Variants in RARB observed in about 807,000 individuals in gnomAD.
RARB encodes retinoic acid receptor beta.
A neutral mutation model predicts 51.9 loss-of-function variants in RARB; 17 were observed. The observed-to-expected ratio is 0.33, with a 90% CI of 0.22 to 0.49. RARB has a LOEUF of 0.49. Ranked by LOEUF, RARB falls within the 20% of genes least tolerant of loss-of-function variation. The pLI, the probability that RARB is intolerant of heterozygous loss-of-function variation, is 0.99. For missense variants in RARB, 369 were observed against 550.8 expected (o/e 0.67, Z 3.30); for synonymous variants, 215 against 195.4 (o/e 1.10, Z -0.84).
chr3:25,315,487 C>T (rs1397770576), intron 5 of RARB, among the ~76,000 whole-genome samples: 1 of 152,148 alleles, frequency 6.6e-6, no homozygotes, highest in Non-Finnish European at 1.5e-5. Flanking sequence ...TCCTAACTTC[C>T]CTCTCAATCC....
chr3:24,976,167 T>G (rs1575100652), intron 2 of RARB, among the ~76,000 whole-genome samples: 2 of 152,118 alleles, frequency 1.3e-5, no homozygotes, highest in African/African-American at 4.8e-5. Context: ...TCTAGTCTAT[T>G]ATTGATGGAC....
At chr3:25,056,332 C>A (rs1197768066) in intron 2 of RARB, among the ~76,000 whole-genome samples, 2 of 152,072 alleles carry the variant, frequency 1.3e-5, no homozygotes, top group Non-Finnish European at 2.9e-5. Context: ...CACAGAGATT[C>A]CCATCTAAAA....
chr3:25,488,468 A>AG (rs1400250418), intron 2 of RARB, among the ~76,000 whole-genome samples: 3 of 152,314 alleles, frequency 2.0e-5, no homozygotes, highest in African/African-American at 4.8e-5. Flanking sequence ...GAAAATGAGA[A>AG]GGGTAAATGA....
At chr3:25,504,607 A>G (rs1396088043) in intron 3 of RARB, among the ~76,000 whole-genome samples, 1 of 152,088 alleles carries the variant, frequency 6.6e-6, no homozygotes, top group African/African-American at 2.4e-5. Context: ...AAATGACCTC[A>G]TGTCCACCAT....
At chr3:25,025,614 G>A (rs1216842219) in intron 2 of RARB, among the ~76,000 whole-genome samples, 1 of 152,146 alleles carries the variant, frequency 6.6e-6, no homozygotes, top group Non-Finnish European at 1.5e-5. Context: ...GAACAAAGTG[G>A]CCTACCTAGG....
Position 24,862,560 on chromosome 3 carries a change from C to A in RARB, c.-380+3808C>A, listed in dbSNP as rs534294689. On this transcript the variant is annotated intron_variant, in intron 2 of 11. Transcript: ENST00000383772. ...CTCTGGCTCTCCTGCTTTGTCCCAC[C>A]TGGGATGTGAATCTTCCTCTGTCTA... Among the ~76,000 whole-genome samples the A allele has an allele frequency of 3.9e-5, 6 of 152,314 alleles. No homozygotes were observed. The South Asian group carries it at 1.2e-3, about 32-fold the overall frequency.
At chr3:24,837,259 A>G (rs1702356995) in intron 1 of RARB, among the ~76,000 whole-genome samples, 1 of 152,238 alleles carries the variant, frequency 6.6e-6, no homozygotes, top group Non-Finnish European at 1.5e-5. Context: ...GAGATCACAG[A>G]GGTGAGTAAA....
intron 2 of RARB, among the ~76,000 whole-genome samples, chr3:25,001,312 A>G (rs1335908263): frequency 6.6e-5 from 10 of 152,202 alleles, no homozygotes; most frequent in Non-Finnish European, 8.8e-5. Context: ...GAACATTTCA[A>G]CAGTGGCTCT....
chr3:24,968,878 T>G (rs1696333956), intron 2 of RARB, among the ~76,000 whole-genome samples: 1 of 152,186 alleles, frequency 6.6e-6, no homozygotes, highest in African/African-American at 2.4e-5. Context: ...GTCATTACTC[T>G]GTCTACCACA....
At chr3:24,935,642 G>A (rs1396187380) in intron 2 of RARB, among the ~76,000 whole-genome samples, 3 of 152,160 alleles carry the variant, frequency 2.0e-5, no homozygotes, top group Non-Finnish European at 4.4e-5. Flanking sequence ...GGACGTAGAA[G>A]GCACTGCCAT....
chr3:24,941,572 G>A (rs780333856), intron 2 of RARB, among the ~76,000 whole-genome samples: 24 of 152,046 alleles, frequency 1.6e-4, no homozygotes, highest in South Asian at 8.3e-4. Context: ...GTTTCCCCAC[G>A]TTGGCCAGGT....
At chr3:24,889,090 C>T (rs1374985705) in intron 2 of RARB, among the ~76,000 whole-genome samples, 2 of 152,080 alleles carry the variant, frequency 1.3e-5, no homozygotes, top group South Asian at 2.1e-4. Context: ...ATGCACTGTC[C>T]CCTGTGAGGA....
intron 4 of RARB, among the ~76,000 whole-genome samples, chr3:25,169,735 C>T (rs1158215340): frequency 6.6e-6 from 1 of 152,028 alleles, no homozygotes; most frequent in Non-Finnish European, 1.5e-5. Flanking sequence ...TGCCTGTAAT[C>T]CCAGCACTTT....
At chr3:25,449,464 GTGTC>G (rs1418859662) in intron 1 of RARB, among the ~76,000 whole-genome samples, 2 of 152,026 alleles carry the variant, frequency 1.3e-5, no homozygotes, top group African/African-American at 2.4e-5. Flanking sequence ...GGTTAACTGT[GTGTC>G]TGTCTGTCTG....
At position 24,997,068 on chromosome 3, in the gene RARB, G is replaced by A. The variant is rs572644569; in HGVS notation, c.-379-63057G>A. Reference sequence around the variant, plus strand: ...TGAGAGTGGGATATTGAGTTCTCCAGCTATTATTGTATTGAGGTCTATCTC... The same window carrying A: ...TGAGAGTGGGATATTGAGTTCTCCAACTATTATTGTATTGAGGTCTATCTC... On this transcript the variant is annotated intron_variant, in intron 2 of 11. Coordinates refer to the RARB transcript ENST00000383772. Among the ~76,000 whole-genome samples the A allele has an allele frequency of 5.1e-3, 772 of 152,068 alleles. 7 individuals are homozygous for A. Among genetic ancestry groups the A allele is most frequent in the African/African-American group, 0.017 (717 of 41,498 alleles).
chr3:24,854,917 G>C (rs1702612653), intron 1 of RARB, among the ~76,000 whole-genome samples: 1 of 152,174 alleles, frequency 6.6e-6, no homozygotes, highest in African/African-American at 2.4e-5. Flanking sequence ...TCAAATCTCT[G>C]GGGCTGGAAA....
intron 5 of RARB, among the ~76,000 whole-genome samples, chr3:25,358,023 A>G (rs1705805169): frequency 6.6e-6 from 1 of 152,188 alleles, no homozygotes; most frequent in Non-Finnish European, 1.5e-5. Flanking sequence ...AATTTAAAGT[A>G]GTTTTTTCTA....
intron 3 of RARB, among the ~76,000 whole-genome samples, chr3:25,560,148 T>G (rs981669518): frequency 1.3e-5 from 2 of 152,202 alleles, no homozygotes; most frequent in Admixed American, 1.3e-4. Flanking sequence ...TGAACAAGAT[T>G]TATATGTGGT....
chr3:25,271,466 A>G (rs1575274089), intron 5 of RARB, among the ~76,000 whole-genome samples: 1 of 152,346 alleles, frequency 6.6e-6, no homozygotes, highest in African/African-American at 2.4e-5. Flanking sequence ...TTCCTTGGCC[A>G]AAGGCATCTA....
Sources: allele counts gnomAD v4.1 joint callset (sites outside exome capture counted in the v4.1 genomes callset), GRCh38; gene constraint gnomAD v4.1.1; transcripts MANE v1.5; gene names NCBI Gene and HGNC (gene_info 2026-07-23, HGNC 2026-07-21).